Variants in EXT1 observed in about 807,000 individuals in gnomAD.
EXT1 encodes the protein exostosin-1.
A neutral mutation model predicts 82.5 loss-of-function variants in EXT1; 20 were observed. The ratio of observed to expected loss-of-function variants is 0.24; its 90% CI spans 0.17 to 0.35. The LOEUF is 0.35. EXT1 is among the 10% of genes least tolerant of loss of function. EXT1 has a pLI of 1.00. For missense variants in EXT1, 757 were observed against 936.5 expected, an observed-to-expected ratio of 0.81 and a Z score of 2.50; for synonymous variants, 348 against 350.8, an observed-to-expected ratio of 0.99 and a Z score of 0.09.
intron 1 of EXT1, among the ~76,000 whole-genome samples, chr8:117,956,206 A>G (rs1213732594): frequency 6.7e-6 from 1 of 149,602 alleles, no homozygotes; most frequent in Non-Finnish European, 1.5e-5. Context: ...CGGGGATCCC[A>G]GACGCTGAAA....
intron 1 of EXT1, among the ~76,000 whole-genome samples, chr8:118,042,133 C>T (rs11562727): frequency 0.43 from 65,441 of 151,740 alleles, 14,289 homozygotes; most frequent in Middle Eastern, 0.52. Context: ...TCCATTATGG[C>T]TGGGGAGCCC....
intron 1 of EXT1, among the ~76,000 whole-genome samples, chr8:117,953,795 A>T (rs1814536465): frequency 6.6e-6 from 1 of 152,138 alleles, no homozygotes; most frequent in Non-Finnish European, 1.5e-5. Flanking sequence ...CTGTAGTCCC[A>T]GCTACTCGGG....
intron 1 of EXT1, among the ~76,000 whole-genome samples, chr8:117,945,029 G>A (rs1814360207): frequency 1.3e-5 from 2 of 152,170 alleles, no homozygotes; most frequent in South Asian, 4.1e-4. Context: ...GGGCGCGGTG[G>A]TGGGCGCCTG....
At chr8:117,980,386 A>G (rs1307937809) in intron 1 of EXT1, among the ~76,000 whole-genome samples, 3 of 151,684 alleles carry the variant, frequency 2.0e-5, no homozygotes, top group Admixed American at 6.6e-5. Flanking sequence ...CGCCACTGTC[A>G]CCTCCCAATT....
chr8:117,985,452 T>C (rs925052523), intron 1 of EXT1, among the ~76,000 whole-genome samples: 2 of 152,184 alleles, frequency 1.3e-5, no homozygotes, highest in Non-Finnish European at 2.9e-5. Flanking sequence ...TATCTGCATA[T>C]TGGGATCTCT....
At chr8:117,935,880 A>G (rs2129659968) in intron 1 of EXT1, among the ~76,000 whole-genome samples, 1 of 152,284 alleles carries the variant, frequency 6.6e-6, no homozygotes, top group Non-Finnish European at 1.5e-5. Flanking sequence ...TAATGAAACC[A>G]AATTCTATAA....
chr8:117,847,120 G>C (rs1166017750), intron 1 of EXT1, among the ~76,000 whole-genome samples: 1 of 152,150 alleles, frequency 6.6e-6, no homozygotes, highest in Non-Finnish European at 1.5e-5. Flanking sequence ...CTCAAAAAAA[G>C]AGTTGTTAAA....
At chr8:117,906,213 G>A (rs921875740) in intron 1 of EXT1, among the ~76,000 whole-genome samples, 12 of 152,152 alleles carry the variant, frequency 7.9e-5, no homozygotes, top group Middle Eastern at 3.2e-3. Context: ...TACTTTCACA[G>A]CATCTCTCAC....
Position 117,795,452 on chromosome 8 carries a change from C to G in EXT1, c.*4260G>C, listed in dbSNP as rs1303308251. ...AGCATTATTGAACTGATGGGAGAGA[C>G]CACTATCTTAGGGTACTTAATCCCC... On this transcript the variant is annotated 3_prime_UTR_variant, in exon 11 of 11. Transcript: ENST00000378204. 1 of 150,168 alleles carries G rather than the reference C, an allele frequency of 6.7e-6. No homozygotes were observed. Among genetic ancestry groups the G allele is most frequent in the Non-Finnish European group, 1.5e-5 (1 of 67,828 alleles). The allele number at this position is 150,168 out of a possible 1,614,324, so 9.3% of individuals were successfully genotyped here. A position where few individuals can be genotyped will look rare whatever the true frequency, so the allele number is the denominator to read the frequency against.
chr8:118,016,112 C>A (rs1167381876), intron 1 of EXT1, among the ~76,000 whole-genome samples: 6 of 152,188 alleles, frequency 3.9e-5, no homozygotes, highest in South Asian at 2.1e-4. Context: ...CCACTCCAGG[C>A]GGGGCGTGGT....
intron 4 of EXT1, among the ~76,000 whole-genome samples, chr8:117,829,509 C>T (rs1476955468): frequency 6.6e-6 from 1 of 150,836 alleles, no homozygotes; most frequent in Non-Finnish European, 1.5e-5. Flanking sequence ...GCCCAGAAAA[C>T]TACTCATATT....
chr8:118,057,758 G>A (rs1161330092), intron 1 of EXT1, among the ~76,000 whole-genome samples: 1 of 151,850 alleles, frequency 6.6e-6, no homozygotes, highest in Non-Finnish European at 1.5e-5. Flanking sequence ...AGGATCACCT[G>A]AGGTCAGAAG....
intron 1 of EXT1, among the ~76,000 whole-genome samples, chr8:117,904,704 G>T (rs887229054): frequency 1.3e-5 from 2 of 152,142 alleles, no homozygotes; most frequent in African/African-American, 4.8e-5. Flanking sequence ...ACACCAGGTG[G>T]CTTCATGAAA....
chr8:118,051,592 C>T (rs886367240), intron 1 of EXT1, among the ~76,000 whole-genome samples: 32 of 152,128 alleles, frequency 2.1e-4, no homozygotes, highest in African/African-American at 7.0e-4. Context: ...CAGTGAGACA[C>T]AGGAACATCT....
rs188492086 is a variant in EXT1, at chr8:118,067,247, T to C, written c.962+42838A>G. On this transcript the variant is annotated intron_variant, in intron 1 of 10. Coordinates refer to ENST00000378204, the MANE Select transcript of EXT1 (RefSeq NM_000127.3). ...GCCATACAAACACACCTGAGCTAAC[T>C]GGCTGGAGACGTCTTCCTCCTGGAG... is the stretch of plus-strand genomic sequence containing the variant. 1.6e-4 allele frequency among the ~76,000 whole-genome samples: 24 copies of C among 152,366 alleles called. No homozygotes were observed. In the East Asian group the frequency reaches 4.4e-3, roughly 28 times the overall value.
chr8:117,912,314 C>A (rs1813663973), intron 1 of EXT1, among the ~76,000 whole-genome samples: 9 of 152,202 alleles, frequency 5.9e-5, no homozygotes, highest in Admixed American at 5.9e-4. Flanking sequence ...GAGATTTACC[C>A]TTTACAATTT....
chr8:117,852,543 C>T (rs1405334246), intron 1 of EXT1, among the ~76,000 whole-genome samples: 1 of 152,180 alleles, frequency 6.6e-6, no homozygotes, highest in East Asian at 1.9e-4. Flanking sequence ...AAGGCCTCTT[C>T]CTAAGACTTT....
intron 1 of EXT1, among the ~76,000 whole-genome samples, chr8:117,954,568 A>C (rs1814552854): frequency 6.6e-6 from 1 of 152,228 alleles, no homozygotes; most frequent in Admixed American, 6.5e-5. Context: ...TGATACAAAC[A>C]ATGAATACAA....
intron 1 of EXT1, among the ~76,000 whole-genome samples, chr8:117,913,235 C>T (rs1415785402): frequency 6.6e-6 from 1 of 152,046 alleles, no homozygotes; most frequent in African/African-American, 2.4e-5. Context: ...TAAAAGGTGT[C>T]AGACAGTCCA....
Sources: allele counts gnomAD v4.1 joint callset (sites outside exome capture counted in the v4.1 genomes callset), GRCh38; gene constraint gnomAD v4.1.1; transcripts MANE v1.5; gene names NCBI Gene and HGNC (gene_info 2026-07-23, HGNC 2026-07-21).